DACH2: variants seen among roughly 807,000 people sequenced by gnomAD.
DACH2 encodes dachshund family transcription factor 2.
DACH2 carries 17 observed loss-of-function variants against 35.8 expected under a neutral mutation model. The ratio of observed to expected loss-of-function variants is 0.48; its 90% CI spans 0.33 to 0.71. The LOEUF (loss-of-function observed/expected upper bound fraction) is 0.71. DACH2 is among the 30% of genes least tolerant of loss of function. The pLI is 0.02. For missense variants in DACH2, 469 were observed against 472.7 expected, an observed-to-expected ratio of 0.99 and a Z score of 0.07; for synonymous variants, 195 against 177.3, an observed-to-expected ratio of 1.10 and a Z score of -0.79.
At chrX:86,523,823 G>C (rs1289258544) in intron 3 of DACH2, among the ~76,000 whole-genome samples, 1 of 110,986 alleles carries the variant, frequency 9.0e-6, no homozygotes, top group Non-Finnish European at 1.9e-5. Context: ...AGCAATTGGG[G>C]AAGTCACAAA....
At chrX:86,564,952 A>C (rs1315605115) in intron 3 of DACH2, among the ~76,000 whole-genome samples, 1 of 111,269 alleles carries the variant, frequency 9.0e-6, no homozygotes, top group Non-Finnish European at 1.9e-5. Flanking sequence ...AAATCTATGC[A>C]GTTTCTCCAC....
intron 1 of DACH2, among the ~76,000 whole-genome samples, chrX:86,286,115 G>GTTTTTTTTTTTTTTT (rs753864299): frequency 4.4e-5 from 2 of 45,760 alleles, no homozygotes; most frequent in Non-Finnish European, 3.4e-5. Context: ...CAGCCAGTCT[G>GTTTTTTTTTTTTTTT]TTTTTTTTTT....
chrX:86,535,237 A>G (rs1455528840), intron 3 of DACH2, among the ~76,000 whole-genome samples: 1 of 111,824 alleles, frequency 8.9e-6, no homozygotes, highest in Non-Finnish European at 1.9e-5. Flanking sequence ...TGAAAATGAG[A>G]ATTCAAAATT....
intron 3 of DACH2, among the ~76,000 whole-genome samples, chrX:86,526,850 A>T (rs865948653): frequency 9.6e-6 from 1 of 104,268 alleles, no homozygotes; most frequent in Admixed American, 1.0e-4. Context: ...GACTTAATTT[A>T]TTTTTTTTTC....
intron 1 of DACH2, among the ~76,000 whole-genome samples, chrX:86,314,200 ACAC>A (rs1420028759): frequency 9.0e-6 from 1 of 110,818 alleles, no homozygotes; most frequent in Non-Finnish European, 1.9e-5. Flanking sequence ...AGGAAGAATC[ACAC>A]GTCTCTAGCT....
intron 2 of DACH2, among the ~76,000 whole-genome samples, chrX:86,404,096 CGTT>C (rs1276025170): frequency 9.0e-6 from 1 of 110,679 alleles, no homozygotes; most frequent in Non-Finnish European, 1.9e-5. Flanking sequence ...TTTCACAACA[CGTT>C]GGGATTATGG....
At chrX:86,288,928 TTCTC>T (rs1387847781) in intron 1 of DACH2, among the ~76,000 whole-genome samples, 4 of 111,104 alleles carry the variant, frequency 3.6e-5, no homozygotes, top group Non-Finnish European at 7.5e-5. Flanking sequence ...TCATTTACTT[TTCTC>T]TCTATTTTTC....
intron 1 of DACH2, among the ~76,000 whole-genome samples, chrX:86,159,733 G>A (rs2030678628): frequency 9.0e-6 from 1 of 111,531 alleles, no homozygotes; most frequent in Admixed American, 9.6e-5. Flanking sequence ...TCTAGGTTGA[G>A]TTTTATTGTT....
intron 6 of DACH2, 106 bp downstream of exon 6, chrX:86,714,826 T>G: frequency 1.4e-6 from 1 of 732,821 alleles, no homozygotes; most frequent in Non-Finnish European, 1.9e-6. Context: ...GCTCATTGAC[T>G]CAGTTAGTTA....
intron 6 of DACH2, among the ~76,000 whole-genome samples, chrX:86,738,642 G>A (rs1185503493): frequency 3.6e-5 from 4 of 111,641 alleles, no homozygotes; most frequent in African/African-American, 6.5e-5. Context: ...TTTGGATTTA[G>A]TCATCAATTT....
In DACH2 at chrX:86,816,469, A is replaced by G. The variant is rs2042453476; in HGVS notation, c.1750+370A>G. On this transcript the variant is annotated intron_variant, in intron 11 of 11. Coordinates refer to ENST00000373125, the MANE Select transcript of DACH2 (RefSeq NM_053281.3). Reference sequence around the variant, plus strand: ...GTACAATACCATGAGGTATTTTTGTAATTTCACCACTTTGCTGTTTGTAAA... The same window carrying G: ...GTACAATACCATGAGGTATTTTTGTGATTTCACCACTTTGCTGTTTGTAAA... Among the ~76,000 whole-genome samples the G allele has an allele frequency of 4.5e-5, 5 of 111,949 alleles. No individual in the cohort carries two copies. The Admixed American group carries it at 4.7e-4, about 11-fold the overall frequency.
intron 2 of DACH2, among the ~76,000 whole-genome samples, chrX:86,513,983 G>A (rs1308875270): frequency 9.0e-6 from 1 of 111,301 alleles, no homozygotes; most frequent in Non-Finnish European, 1.9e-5. Flanking sequence ...TTAAAAGCAG[G>A]GGTAACTTAG....
At chrX:86,518,938 T>C (rs946767056) in intron 3 of DACH2, among the ~76,000 whole-genome samples, 8 of 112,054 alleles carry the variant, frequency 7.1e-5, no homozygotes, top group Non-Finnish European at 1.3e-4. Context: ...ATATGTTGAA[T>C]AGAAAAGTTC....
intron 3 of DACH2, among the ~76,000 whole-genome samples, chrX:86,530,592 G>A (rs1001537825): frequency 8.9e-6 from 1 of 112,034 alleles, no homozygotes; most frequent in Non-Finnish European, 1.9e-5. Context: ...CTCCATCCAT[G>A]TGGAACTGTG....
At chrX:86,691,499 T>TA (rs1187902277) in intron 4 of DACH2, among the ~76,000 whole-genome samples, 1 of 111,339 alleles carries the variant, frequency 9.0e-6, no homozygotes, top group Non-Finnish European at 1.9e-5. Flanking sequence ...CCACAAAAAT[T>TA]AAAAATAATA....
intron 5 of DACH2, 101 bp downstream of exon 5, chrX:86,695,280 A>G (rs2041054581): frequency 1.4e-6 from 1 of 708,594 alleles, no homozygotes. Flanking sequence ...TTTTTCTTCA[A>G]TAAAGTTTAA....
chrX:86,442,616 T>G (rs1476892304), intron 2 of DACH2, among the ~76,000 whole-genome samples: 1 of 101,808 alleles, frequency 9.8e-6, no homozygotes, highest in Non-Finnish European at 2.0e-5. Context: ...ATCCAAAAAT[T>G]TTTTGCCTAG....
chrX:86,152,545 C>T (rs780055240), intron 1 of DACH2, among the ~76,000 whole-genome samples: 17 of 111,222 alleles, frequency 1.5e-4, no homozygotes, highest in Non-Finnish European at 3.0e-4. Flanking sequence ...CAGTTGTCTT[C>T]CTGGAAAATA....
At chrX:86,348,938 G>C (rs2035542490) in intron 1 of DACH2, among the ~76,000 whole-genome samples, 1 of 112,003 alleles carries the variant, frequency 8.9e-6, no homozygotes, top group Non-Finnish European at 1.9e-5. Flanking sequence ...CAGCATCTAG[G>C]GGTGAATGCT....
Sources: gnomAD v4.1 joint callset for allele counts (sites outside exome capture counted in the v4.1 genomes callset) on GRCh38, gnomAD v4.1.1 for gene constraint, MANE v1.5 for transcripts, NCBI Gene and HGNC (gene_info 2026-07-23, HGNC 2026-07-21) for gene names.